Variants in SLC14A2 observed in about 807,000 individuals in gnomAD.
The protein encoded by SLC14A2 is solute carrier family 14 member 2, also known as urea transporter 2.
In SLC14A2, 91 loss-of-function variants were observed where a neutral mutation model predicts 104.6. The ratio of observed to expected loss-of-function variants is 0.87; its 90% CI spans 0.73 to 1.04. The LOEUF is 1.04. SLC14A2 is among the 50% of genes least tolerant of loss of function. SLC14A2 has a pLI of 0.00. For missense variants in SLC14A2, 1,189 were observed against 1,156.0 expected (o/e 1.03, Z -0.41); for synonymous variants, 476 against 466.4 (o/e 1.02, Z -0.27).
intron 2 of SLC14A2, among the ~76,000 whole-genome samples, chr18:45,505,177 C>A (rs1375502819): frequency 6.6e-6 from 1 of 152,108 alleles, no homozygotes; most frequent in Non-Finnish European, 1.5e-5. Context: ...GTACAGCAGG[C>A]TAGGGAGAGG....
At chr18:45,494,654 C>T (rs7226717) in intron 2 of SLC14A2, among the ~76,000 whole-genome samples, 68,322 of 151,714 alleles carry the variant, frequency 0.45, 15,607 homozygotes, top group Middle Eastern at 0.56. Context: ...CTGCCTGCCT[C>T]AGTCTCCCAA....
intron 2 of SLC14A2, among the ~76,000 whole-genome samples, chr18:45,500,832 G>C (rs1304153243): frequency 6.6e-6 from 1 of 152,164 alleles, no homozygotes; most frequent in African/African-American, 2.4e-5. Flanking sequence ...ATCTGGTTTC[G>C]GGAAGAGGTG....
At position 45,639,897 on chromosome 18, in the gene SLC14A2, G is replaced by A; in HGVS notation, c.991+4G>A. The A allele has an allele frequency of 6.2e-7, 1 of 1,612,392 alleles. No homozygotes were observed. The highest frequency in any genetic ancestry group is 8.5e-7 in the Non-Finnish European group (1 of 1,179,558). ...TCAATCGTGGGGCTGCTAGCAGGTA[G>A]GACAGAGCTCCCTCTCTTCAGGTCC... is the stretch of plus-strand genomic sequence containing the variant. On this transcript the variant is annotated splice_donor_region_variant and intron_variant, in intron 7 of 19. Transcript: ENST00000255226.
intron 1 of SLC14A2, among the ~76,000 whole-genome samples, chr18:45,279,644 C>T (rs1218936440): frequency 6.6e-6 from 1 of 152,082 alleles, no homozygotes; most frequent in Non-Finnish European, 1.5e-5. Context: ...GAGTCAGTCT[C>T]TTCTGTGATT....
intron 1 of SLC14A2, among the ~76,000 whole-genome samples, chr18:45,393,319 C>T (rs2144421584): frequency 6.6e-6 from 1 of 152,326 alleles, no homozygotes; most frequent in East Asian, 1.9e-4. Context: ...AATGCCTAAA[C>T]ACGCCTCATC....
In SLC14A2 at chr18:45,641,337, A is replaced by C; in HGVS notation, c.1120A>C (p.Ile374Leu). ...LTWQTHLLAL[I>L]CALFCAYMEA... ...CTGGCAGACTCACCTGCTGGCCCTC[A>C]TCTGTGGTAGGTGTTCAGAAAAGCT... Residue 374 changes from isoleucine (I) to leucine (L), a missense_variant, in exon 8 of 20, where the codon ATC (isoleucine) becomes CTC (leucine). Coordinates refer to ENST00000255226, the MANE Select transcript of SLC14A2 (RefSeq NM_007163.4). 1 of 1,614,148 alleles carries C rather than the reference A, an allele frequency of 6.2e-7. No individual in the cohort carries two copies. The highest frequency in any genetic ancestry group is 8.5e-7 in the Non-Finnish European group (1 of 1,180,018).
At chr18:45,192,323 A>G in the SLC14A2 span, among the ~76,000 whole-genome samples, 1 of 152,234 alleles carries the variant, frequency 6.6e-6, no homozygotes, top group African/African-American at 2.4e-5. Flanking sequence ...ATGTTTTGAC[A>G]TATGTATATA....
At chr18:45,394,474 AT>A (rs34662743) in intron 1 of SLC14A2, among the ~76,000 whole-genome samples, 20,516 of 152,144 alleles carry the variant, frequency 0.13, 2,133 homozygotes, top group African/African-American at 0.28. Flanking sequence ...GTTACTTTAA[AT>A]TTTGGAGTCA....
chr18:45,178,786 ATTC>A, the SLC14A2 span, among the ~76,000 whole-genome samples: 35,717 of 152,056 alleles, frequency 0.23, 4,508 homozygotes, highest in Non-Finnish European at 0.3. Context: ...TTTGCAAAAG[ATTC>A]TTCAACTTAC....
chr18:45,623,784 C>A (rs575612136), intron 1 of SLC14A2, among the ~76,000 whole-genome samples: 2 of 152,186 alleles, frequency 1.3e-5, no homozygotes, highest in African/African-American at 4.8e-5. Context: ...GAGCACGGAG[C>A]AATGGGGAAA....
the SLC14A2 span, among the ~76,000 whole-genome samples, chr18:45,170,772 C>T: frequency 6.6e-6 from 1 of 152,148 alleles, no homozygotes; most frequent in African/African-American, 2.4e-5. Context: ...GCAAATGTGA[C>T]ATGGTTATAT....
At chr18:45,281,260 TCAG>T (rs1173844011) in intron 1 of SLC14A2, among the ~76,000 whole-genome samples, 1 of 152,184 alleles carries the variant, frequency 6.6e-6, no homozygotes, top group African/African-American at 2.4e-5. Flanking sequence ...CATCTCCAAC[TCAG>T]CAACCTTATT....
chr18:45,491,384 A>G (rs996412591), intron 2 of SLC14A2, among the ~76,000 whole-genome samples: 14 of 152,222 alleles, frequency 9.2e-5, no homozygotes, highest in African/African-American at 3.1e-4. Context: ...AATGTTATCA[A>G]TCACGTATGG....
At chr18:45,281,801 T>G (rs1008088727) in intron 1 of SLC14A2, among the ~76,000 whole-genome samples, 2 of 152,222 alleles carry the variant, frequency 1.3e-5, no homozygotes, top group Non-Finnish European at 2.9e-5. Context: ...GAAACACTTC[T>G]AGGTCTAATC....
chr18:45,672,995 A>G lies in SLC14A2; in HGVS notation c.2325A>G (p.Ser775=). ...GIFLIALFIS[S]PLICLHAAIG... Reference sequence around the variant, plus strand: ...TCCTCATAGCTCTGTTCATATCCTCACCTCTCATTTGCTTGCATGCAGCAA... The same window carrying G: ...TCCTCATAGCTCTGTTCATATCCTCGCCTCTCATTTGCTTGCATGCAGCAA... The change falls in exon 17 of 20, where the codon TCA becomes TCG. Residue 775 remains serine (S), a synonymous_variant. Coordinates refer to ENST00000255226, the MANE Select transcript of SLC14A2 (RefSeq NM_007163.4). 6.2e-7 allele frequency: 1 copy of G among 1,613,782 alleles called. No homozygotes were observed. Among genetic ancestry groups the G allele is most frequent in the Non-Finnish European group, 8.5e-7 (1 of 1,179,938 alleles).
chr18:45,550,070 G>C (rs930109003), intron 2 of SLC14A2: 1 of 151,806 alleles, frequency 6.6e-6, no homozygotes, highest in African/African-American at 2.4e-5. Context: ...AGATGGAAAT[G>C]AACAATATAA....
chr18:45,503,059 G>T (rs1254000541), intron 2 of SLC14A2, among the ~76,000 whole-genome samples: 1 of 152,138 alleles, frequency 6.6e-6, no homozygotes, highest in Non-Finnish European at 1.5e-5. Context: ...TCCATGGAAA[G>T]TCTTGCCCAG....
intron 1 of SLC14A2, among the ~76,000 whole-genome samples, chr18:45,336,526 G>A (rs1333731438): frequency 1.3e-5 from 2 of 152,056 alleles, no homozygotes; most frequent in South Asian, 2.1e-4. Context: ...CTCTGGTGGT[G>A]CACCTAGTAA....
At chr18:45,278,977 C>G (rs1482227018) in intron 1 of SLC14A2, among the ~76,000 whole-genome samples, 1 of 152,086 alleles carries the variant, frequency 6.6e-6, no homozygotes, top group African/African-American at 2.4e-5. Context: ...TCTATCTATC[C>G]ATAGATAGAA....
Sources: gnomAD v4.1 joint callset for allele counts (sites outside exome capture counted in the v4.1 genomes callset) on GRCh38, gnomAD v4.1.1 for gene constraint, MANE v1.5 for transcripts, NCBI Gene and HGNC (gene_info 2026-07-23, HGNC 2026-07-21) for gene names.